Variants in PDE2A observed in about 807,000 individuals in gnomAD.
The protein encoded by PDE2A is cGMP-dependent 3',5'-cyclic phosphodiesterase.
A neutral mutation model predicts 133.6 loss-of-function variants in PDE2A; 53 were observed. That is an observed-to-expected ratio of 0.40 (90% CI 0.32 to 0.50). The LOEUF (loss-of-function observed/expected upper bound fraction) is 0.50. PDE2A is among the 20% of genes least tolerant of loss of function. PDE2A has a pLI of 0.73. For synonymous variants in PDE2A, 491 were observed against 490.2 expected, an observed-to-expected ratio of 1.00 and a Z score of -0.02; for missense variants, 796 against 1,232.4, an observed-to-expected ratio of 0.65 and a Z score of 5.30.
At position 72,599,992 on chromosome 11, in the gene PDE2A, C is replaced by T. The variant is rs549658178; in HGVS notation, c.324-2373G>A. 2.0e-4 allele frequency among the ~76,000 whole-genome samples: 31 copies of T among 152,338 alleles called. No individual in the cohort carries two copies. In the South Asian group the frequency reaches 6.4e-3, roughly 32 times the overall value. On this transcript the variant is annotated intron_variant, in intron 4 of 30. Transcript: ENST00000334456. ...GTCCTAAAGGACAGGCAGAGGTTAT[C>T]GAGGCAGACAGGAAAGGATGTCCAG...
At chr11:72,654,853 C>T (rs572225866) in intron 1 of PDE2A, among the ~76,000 whole-genome samples, 2 of 152,316 alleles carry the variant, frequency 1.3e-5, no homozygotes, top group East Asian at 3.9e-4. Flanking sequence ...GGGCTTGCCT[C>T]ACATCCCCAC....
Position 72,585,580 on chromosome 11 carries a change from A to G in PDE2A, c.1196T>C (p.Val399Ala). The change falls in exon 15 of 31, where the codon GTG becomes GCG. Residue 399 changes from valine (V) to alanine (A), a missense_variant. Coordinates refer to ENST00000334456, the MANE Select transcript of PDE2A (RefSeq NM_002599.5). ...CAGGTGGGTGAAGAGGTTCTTTGCC[A>G]CTTGGAGAAGAGCCTGGAATGAAGG... The part of the protein sequence containing the change: ...LKCECQALLQ[V>A]AKNLFTHLDD... The G allele has an allele frequency of 6.2e-7, 1 of 1,614,138 alleles. No individual in the cohort carries two copies. Among genetic ancestry groups the G allele is most frequent in the East Asian group, 2.2e-5 (1 of 44,882 alleles).
At chr11:72,666,234 A>T (rs1477051896) in intron 1 of PDE2A, among the ~76,000 whole-genome samples, 1 of 152,090 alleles carries the variant, frequency 6.6e-6, no homozygotes, top group Non-Finnish European at 1.5e-5. Flanking sequence ...TCCAGGTCAG[A>T]CACTCCCCTC....
rs1240732900 is a variant in PDE2A at position 72,584,241 on chromosome 11, G to A, written c.1610C>T (p.Ala537Val). 6.2e-7 allele frequency: 1 copy of A among 1,612,102 alleles called. No homozygotes were observed. The highest frequency in any genetic ancestry group is 8.5e-7 in the Non-Finnish European group (1 of 1,178,738). The change falls in exon 19 of 31, where the codon GCG (alanine) becomes GTG (valine). Residue 537 changes from alanine to valine, a missense_variant. Physicochemically the swap from Ala to Val is moderately conservative, Grantham distance 64. Transcript: ENST00000334456. Reference sequence around the variant, plus strand: ...GCCGCAGTAGATGGAGAAGGCCGTCGCCAGGTCCTCGTCGAACTTGCTGAA... The same window carrying A: ...GCCGCAGTAGATGGAGAAGGCCGTCACCAGGTCCTCGTCGAACTTGCTGAA... ...PWFSKFDEDL[A>V]TAFSIYCGIS...
chr11:72,660,362 A>G (rs926742277), intron 1 of PDE2A, among the ~76,000 whole-genome samples: 1 of 152,222 alleles, frequency 6.6e-6, no homozygotes, highest in Non-Finnish European at 1.5e-5. Flanking sequence ...CACAGAGCCC[A>G]CTACAGAGGC....
chr11:72,610,274 T>C (rs1371601754), intron 2 of PDE2A, among the ~76,000 whole-genome samples: 2 of 152,156 alleles, frequency 1.3e-5, no homozygotes, highest in Non-Finnish European at 1.5e-5. Flanking sequence ...GGCCTTGGTC[T>C]AGTGGGCTGA....
intron 2 of PDE2A, among the ~76,000 whole-genome samples, chr11:72,631,918 C>T (rs571646475): frequency 6.6e-6 from 1 of 152,066 alleles, no homozygotes; most frequent in African/African-American, 2.4e-5. Flanking sequence ...ATCGGACAGG[C>T]GGTGGGATAT....
At chr11:72,661,293 A>G (rs1295582020) in intron 1 of PDE2A, among the ~76,000 whole-genome samples, 2 of 152,160 alleles carry the variant, frequency 1.3e-5, no homozygotes, top group African/African-American at 4.8e-5. Context: ...TGACAGAGCA[A>G]GACTCTGTCT....
chr11:72,645,014 C>T (rs974764420), intron 1 of PDE2A, among the ~76,000 whole-genome samples: 2 of 152,210 alleles, frequency 1.3e-5, no homozygotes, highest in Non-Finnish European at 2.9e-5. Context: ...CTCAGCCTCC[C>T]AAAGTGTTGG....
intron 1 of PDE2A, chr11:72,659,231 C>T (rs1208570572): frequency 6.7e-6 from 1 of 150,110 alleles, no homozygotes; most frequent in African/African-American, 2.5e-5. Context: ...CAGACCTAAT[C>T]CCTGCCCTCA....
rs761597138 is a variant in PDE2A, at chr11:72,596,583, A to G, written c.489+10T>C. The G allele has an allele frequency of 7.5e-6, 11 of 1,475,288 alleles. No individual in the cohort carries two copies. In the African/African-American group the frequency reaches 1.4e-4, roughly 19 times the overall value. 91.4% of individuals were successfully genotyped at this position (1,475,288 alleles called of 1,614,324 possible). On this transcript the variant is annotated intron_variant, in intron 6 of 30. Transcript: ENST00000334456. ...TCTCCCTACATCCCACCGCCTAGGCAGGCTCTTACCAAGATGACAGCTGCC... is the reference window on the plus strand; with the variant it reads ...TCTCCCTACATCCCACCGCCTAGGCGGGCTCTTACCAAGATGACAGCTGCC...
At chr11:72,655,344 G>GGGAGACAGCCTGGGGACAA (rs1555003816) in intron 1 of PDE2A, among the ~76,000 whole-genome samples, 97 of 8,232 alleles carry the variant, frequency 0.012, 1 homozygote, top group African/African-American at 0.082. Flanking sequence ...CACAGCCAGG[G>GGGAGACAGCCTGGGGACAA]TGAGGCAGCC....
intron 25 of PDE2A, 59 bp from the exon 26 acceptor site, chr11:72,579,667 C>T (rs1196870364): frequency 2.5e-6 from 3 of 1,221,048 alleles, no homozygotes; most frequent in Middle Eastern, 4.6e-4. Flanking sequence ...TTACCATTGA[C>T]CCCAAGAGAG....
intron 2 of PDE2A, among the ~76,000 whole-genome samples, chr11:72,640,312 C>T (rs544866074): frequency 6.6e-6 from 1 of 152,050 alleles, no homozygotes; most frequent in Non-Finnish European, 1.5e-5. Flanking sequence ...CCTAATGTCA[C>T]ACGTTTGTGG....
At chr11:72,607,754 C>T (rs1047230901) in intron 3 of PDE2A, among the ~76,000 whole-genome samples, 1 of 152,078 alleles carries the variant, frequency 6.6e-6, no homozygotes, top group Non-Finnish European at 1.5e-5. Context: ...TCTGAGTTGG[C>T]CATATTTCCT....
chr11:72,655,430 G>GT (rs1377206064), intron 1 of PDE2A, among the ~76,000 whole-genome samples: 4 of 150,626 alleles, frequency 2.7e-5, no homozygotes, highest in Non-Finnish European at 5.9e-5. Flanking sequence ...CCTGGCCCAG[G>GT]TAGATGGATG....
chr11:72,590,838 A>C lies in PDE2A; in HGVS notation c.550-258T>G. On this transcript the variant is annotated intron_variant, in intron 7 of 30. Transcript: ENST00000334456. This position sits in a 1 kb window ranked among gnomAD's most constrained non-coding sequence, Gnocchi z 4.8. The stretch of plus-strand genomic sequence containing the variant: ...CATCCCTAGCCCCTAGATTCTTCCA[A>C]GACAAGATGTCAGATTTCTGTCTCC... The C allele has an allele frequency of 2.4e-6, 1 of 414,288 alleles. No individual in the cohort carries two copies. Among genetic ancestry groups the C allele is most frequent in the Non-Finnish European group, 4.2e-6 (1 of 236,948 alleles). The allele number at this position is 414,288 out of a possible 1,614,324, so 25.7% of individuals were successfully genotyped here. A position where few individuals can be genotyped will look rare whatever the true frequency, so the allele number is the denominator to read the frequency against.
chr11:72,661,072 A>C (rs1270753165), intron 1 of PDE2A, among the ~76,000 whole-genome samples: 1 of 152,138 alleles, frequency 6.6e-6, no homozygotes, highest in Non-Finnish European at 1.5e-5. Flanking sequence ...TGGGAGGCCG[A>C]GGCAGGAGGA....
Position 72,590,044 on chromosome 11 carries a change from T to A in PDE2A, c.757-63A>T. 2 of 1,453,646 alleles carry A rather than the reference T, an allele frequency of 1.4e-6. No individual in the cohort carries two copies. Among genetic ancestry groups the A allele is most frequent in the Non-Finnish European group, 1.9e-6 (2 of 1,058,958 alleles). 90.0% of individuals were successfully genotyped at this position (1,453,646 alleles called of 1,614,324 possible). ...GATCCGGGTCACCCCACTCCCCACCTGCTCCCCTCTCCGGGGCTCTTCAGG... is the reference window on the plus strand; with the variant it reads ...GATCCGGGTCACCCCACTCCCCACCAGCTCCCCTCTCCGGGGCTCTTCAGG... On this transcript the variant is annotated intron_variant, in intron 9 of 30. Coordinates refer to ENST00000334456, the MANE Select transcript of PDE2A (RefSeq NM_002599.5). This position sits in a 1 kb window ranked among gnomAD's most constrained non-coding sequence, Gnocchi z 4.8.
Sources: gnomAD v4.1 joint callset for allele counts (sites outside exome capture counted in the v4.1 genomes callset) on GRCh38, gnomAD v4.1.1 for gene constraint, Gnocchi (gnomAD v3.1) non-coding constraint, MANE v1.5 for transcripts, NCBI Gene and HGNC (gene_info 2026-07-23, HGNC 2026-07-21) for gene names.